KSR2: variants seen among roughly 807,000 people sequenced by gnomAD.
KSR2 encodes kinase suppressor of ras 2.
Under a neutral mutation model 107.8 loss-of-function variants are expected in KSR2, and 25 were observed. The observed-to-expected ratio is 0.23, with a 90% confidence interval of 0.17 to 0.32. The LOEUF (loss-of-function observed/expected upper bound fraction) is 0.32, where lower values mean the gene tolerates loss of function less well. KSR2 is among the 10% of genes least tolerant of loss of function. The pLI is 1.00. For missense variants in KSR2, 887 were observed against 1,268.9 expected (o/e 0.70, Z 4.57); for synonymous variants, 480 against 507.0 (o/e 0.95, Z 0.71).
At chr12:117,469,013 C>T (rs1871287953) in intron 19 of KSR2, among the ~76,000 whole-genome samples, 1 of 152,136 alleles carries the variant, frequency 6.6e-6, no homozygotes, top group African/African-American at 2.4e-5. Flanking sequence ...CTCATCTGGG[C>T]CTGTCTCCCT....
At chr12:117,733,311 T>C (rs630808) in intron 4 of KSR2, among the ~76,000 whole-genome samples, 30,722 of 152,062 alleles carry the variant, frequency 0.2, 3,789 homozygotes, top group South Asian at 0.3. Context: ...AATATTTTTC[T>C]TCCAAACCAG....
At chr12:117,645,909 GTGTGTA>G (rs1170315675) in intron 5 of KSR2, among the ~76,000 whole-genome samples, 2,524 of 136,366 alleles carry the variant, frequency 0.019, 86 homozygotes, top group African/African-American at 0.067. Flanking sequence ...GTGTGTGTGT[GTGTGTA>G]CAGCTGTCCT....
In KSR2 at chr12:117,724,591, C is replaced by A. The variant is rs56362234; in HGVS notation, c.986+36420G>T. On this transcript the variant is annotated intron_variant, in intron 4 of 19. Coordinates refer to ENST00000339824, the MANE Select transcript of KSR2 (RefSeq NM_173598.6). ...GCAAAAAAACCTGCCCCCCCACCCC[C>A]GGCCGCCTGCAGTTCTGGACTGTTG... 2.1e-4 allele frequency among the ~76,000 whole-genome samples: 12 copies of A among 57,908 alleles called. No homozygotes were observed. In the South Asian group the frequency reaches 4.8e-3, roughly 23 times the overall value. The allele number at this position is 57,908 out of a possible 152,430, so 38.0% of individuals were successfully genotyped here.
chr12:117,787,002 C>G (rs553433275), intron 3 of KSR2, among the ~76,000 whole-genome samples: 1 of 149,568 alleles, frequency 6.7e-6, no homozygotes, highest in East Asian at 2.0e-4. Flanking sequence ...GCACTGCAGC[C>G]TGGGTAACAA....
At chr12:117,894,743 C>CT (rs1253346721) in intron 1 of KSR2, among the ~76,000 whole-genome samples, 2 of 115,134 alleles carry the variant, frequency 1.7e-5, no homozygotes, top group Non-Finnish European at 3.4e-5. Flanking sequence ...CCCTCTCCCC[C>CT]TCCCCCTCTC....
chr12:117,612,078 T>A (rs1371918660), intron 5 of KSR2, among the ~76,000 whole-genome samples: 3 of 152,188 alleles, frequency 2.0e-5, no homozygotes, highest in African/African-American at 7.2e-5. Context: ...ATGTACTTGA[T>A]GCCATAGACC....
At chr12:117,592,434 GACC>G (rs1013264312) in intron 5 of KSR2, among the ~76,000 whole-genome samples, 6 of 152,162 alleles carry the variant, frequency 3.9e-5, no homozygotes, top group African/African-American at 1.4e-4. Flanking sequence ...TTTTTGAAAA[GACC>G]ACCACCACCT....
chr12:117,789,636 C>T (rs893576661), intron 3 of KSR2, among the ~76,000 whole-genome samples: 2 of 152,178 alleles, frequency 1.3e-5, no homozygotes, highest in African/African-American at 2.4e-5. Context: ...CTCTTCCTGC[C>T]ACCTTGCATG....
At chr12:117,935,548 G>T (rs1895812179) in intron 1 of KSR2, among the ~76,000 whole-genome samples, 1 of 152,068 alleles carries the variant, frequency 6.6e-6, no homozygotes, top group East Asian at 1.9e-4. Context: ...ATCATTTGAG[G>T]TCAGGAGTTC....
In KSR2 at chr12:117,902,681, C is replaced by T. The variant is rs539257890; in HGVS notation, c.181-42250G>A. ...ATGGGTGCAGCAAACCACCATGGCACGCGTATACCTATGTAACAAACCGTC... is the reference window on the plus strand; with the variant it reads ...ATGGGTGCAGCAAACCACCATGGCATGCGTATACCTATGTAACAAACCGTC... On this transcript the variant is annotated intron_variant, in intron 1 of 19. Transcript: ENST00000339824. Among the ~76,000 whole-genome samples, 44 of 151,892 alleles carry T rather than the reference C, an allele frequency of 2.9e-4. 1 individual carries two copies. The highest frequency in any genetic ancestry group is 5.1e-4 in the Non-Finnish European group (35 of 67,984).
At chr12:117,657,324 G>T (rs1884228612) in intron 5 of KSR2, among the ~76,000 whole-genome samples, 1 of 152,102 alleles carries the variant, frequency 6.6e-6, no homozygotes, top group Non-Finnish European at 1.5e-5. Context: ...TAGAGACTAA[G>T]TCACAACATG....
chr12:117,691,821 G>A (rs532376438), intron 4 of KSR2, among the ~76,000 whole-genome samples: 1 of 152,344 alleles, frequency 6.6e-6, no homozygotes, highest in Admixed American at 6.5e-5. Context: ...TGTCTCCTGA[G>A]GGCCCTCCCC....
At chr12:117,541,639 A>C (rs1256449892) in intron 9 of KSR2, among the ~76,000 whole-genome samples, 4 of 152,092 alleles carry the variant, frequency 2.6e-5, no homozygotes, top group African/African-American at 9.7e-5. Context: ...CCGGGTACCC[A>C]AAGATGGTAT....
At chr12:117,502,349 T>C (rs1382951078) in intron 14 of KSR2, among the ~76,000 whole-genome samples, 2 of 152,220 alleles carry the variant, frequency 1.3e-5, no homozygotes, top group Non-Finnish European at 2.9e-5. Flanking sequence ...CAATATGGGT[T>C]CCATCATGCC....
intron 3 of KSR2, among the ~76,000 whole-genome samples, chr12:117,820,374 A>G (rs1003498936): frequency 6.6e-6 from 1 of 152,186 alleles, no homozygotes; most frequent in Non-Finnish European, 1.5e-5. Context: ...GTTTTCCTCT[A>G]AGTAGATTAT....
intron 5 of KSR2, among the ~76,000 whole-genome samples, chr12:117,608,954 C>T (rs1881443809): frequency 6.6e-6 from 1 of 152,060 alleles, no homozygotes; most frequent in African/African-American, 2.4e-5. Flanking sequence ...GGGAGGTTGT[C>T]CACAGCTAGG....
intron 4 of KSR2, among the ~76,000 whole-genome samples, chr12:117,740,837 G>A (rs1481338894): frequency 6.6e-6 from 1 of 152,046 alleles, no homozygotes; most frequent in African/African-American, 2.4e-5. Context: ...GCCAGGTGAT[G>A]ATAATGACAA....
chr12:117,711,565 G>T (rs777670251), intron 4 of KSR2, among the ~76,000 whole-genome samples: 21 of 152,204 alleles, frequency 1.4e-4, no homozygotes, highest in Non-Finnish European at 2.6e-4. Flanking sequence ...AGATTTTGGA[G>T]GTGAAATTGA....
At chr12:117,880,311 A>C (rs1166276663) in intron 1 of KSR2, among the ~76,000 whole-genome samples, 1 of 152,196 alleles carries the variant, frequency 6.6e-6, no homozygotes, top group Non-Finnish European at 1.5e-5. Context: ...GATCACACCA[A>C]CTATCTTTCA....
Sources: allele counts gnomAD v4.1 joint callset (sites outside exome capture counted in the v4.1 genomes callset), GRCh38; gene constraint gnomAD v4.1.1; transcripts MANE v1.5; gene names NCBI Gene and HGNC (gene_info 2026-07-23, HGNC 2026-07-21).